Variants in NFIA observed in about 807,000 individuals in gnomAD.
NFIA encodes the protein nuclear factor I A.
In NFIA, 8 loss-of-function variants were observed where a neutral mutation model predicts 62.8. The ratio of observed to expected loss-of-function variants is 0.13; its 90% confidence interval spans 0.07 to 0.23. The LOEUF is 0.23. Among genes scored for constraint, NFIA ranks in the 10% least tolerant of loss-of-function variants. The pLI, the probability that NFIA is intolerant of heterozygous loss-of-function variation, is 1.00. For missense variants in NFIA, 410 were observed against 642.1 expected (o/e 0.64, Z 3.91); for synonymous variants, 235 against 238.1 (o/e 0.99, Z 0.12).
At chr1:61,217,448 A>C (rs1368313861) in intron 2 of NFIA, among the ~76,000 whole-genome samples, 1 of 152,174 alleles carries the variant, frequency 6.6e-6, no homozygotes, top group East Asian at 1.9e-4. Context: ...ACTATATGTC[A>C]TTATTAAATT....
rs372551052 is a variant in NFIA at position 61,300,099 on chromosome 1, A to G, written c.625+22514A>G. On this transcript the variant is annotated intron_variant, in intron 3 of 10. Coordinates refer to ENST00000403491, the MANE Select transcript of NFIA (RefSeq NM_001134673.4). ...TCAACTGAGGATGACATTAAAAAAA[A>G]TTTTTTTAACTTGTTTCAACAGTTG... Among the ~76,000 whole-genome samples the G allele has an allele frequency of 3.0e-4, 46 of 152,132 alleles. No homozygotes were observed. The East Asian group carries it at 7.3e-3, about 24-fold the overall frequency.
intron 2 of NFIA, among the ~76,000 whole-genome samples, chr1:61,274,948 G>A (rs750990874): frequency 3.9e-5 from 6 of 152,124 alleles, no homozygotes; most frequent in Non-Finnish European, 7.4e-5. Flanking sequence ...GAACGGCCGA[G>A]GGTAGAAAAT....
At chr1:61,102,926 G>T (rs1179180699) in intron 2 of NFIA, among the ~76,000 whole-genome samples, 1 of 152,078 alleles carries the variant, frequency 6.6e-6, no homozygotes, top group Non-Finnish European at 1.5e-5. Context: ...AGTCTGAGAG[G>T]GTGTTTCAAG....
intron 5 of NFIA, 68 bp downstream of exon 5, chr1:61,352,635 C>T (rs772665086): frequency 1.1e-5 from 13 of 1,228,988 alleles, no homozygotes; most frequent in Non-Finnish European, 1.6e-5. Context: ...TAACTCTGGG[C>T]CCACTATGGA....
rs79304561 is a variant in NFIA, at chr1:61,362,255, G to A, written c.946+2981G>A. ...GGGGTACAGTTAAATTGAGTAGGAG[G>A]CTTTTAGTAGTTCACATGTAAATTA... On this transcript the variant is annotated intron_variant, in intron 6 of 10. Coordinates refer to ENST00000403491, the MANE Select transcript of NFIA (RefSeq NM_001134673.4). Among the ~76,000 whole-genome samples the A allele has an allele frequency of 2.6e-3, 390 of 151,972 alleles. 3 individuals carry two copies. The highest frequency in any genetic ancestry group is 9.0e-3 in the African/African-American group (375 of 41,440).
intron 7 of NFIA, among the ~76,000 whole-genome samples, chr1:61,395,303 T>TTA (rs1218187075): frequency 9.2e-4 from 140 of 151,436 alleles, no homozygotes; most frequent in African/African-American, 3.2e-3. Flanking sequence ...TTTTTTTTTT[T>TTA]AATGCAGGAA....
At chr1:61,376,736 C>T (rs944706573) in intron 6 of NFIA, among the ~76,000 whole-genome samples, 1 of 151,892 alleles carries the variant, frequency 6.6e-6, no homozygotes, top group Admixed American at 6.6e-5. Context: ...TTATAGTATA[C>T]TAGGGAAACT....
intron 2 of NFIA, among the ~76,000 whole-genome samples, chr1:61,244,905 A>G (rs990529185): frequency 4.6e-5 from 7 of 152,230 alleles, no homozygotes; most frequent in African/African-American, 1.7e-4. Context: ...TCAACCATTA[A>G]GTAGACTGAG....
intron 3 of NFIA, among the ~76,000 whole-genome samples, chr1:61,316,037 G>A (rs1042677541): frequency 2.0e-4 from 31 of 152,088 alleles, no homozygotes; most frequent in Admixed American, 9.2e-4. Context: ...GTACTCTCTC[G>A]TCCACATACG....
intron 1 of NFIA, among the ~76,000 whole-genome samples, chr1:61,084,589 T>C (rs750877205): frequency 2.4e-4 from 36 of 152,192 alleles, no homozygotes; most frequent in East Asian, 3.9e-4. Context: ...GTGAAAATGC[T>C]GAGATTCGAA....
chr1:61,190,089 AG>A (rs1437817053), intron 2 of NFIA, among the ~76,000 whole-genome samples: 1 of 152,240 alleles, frequency 6.6e-6, no homozygotes, highest in African/African-American at 2.4e-5. Flanking sequence ...TGTGGCACAC[AG>A]GTAGCGTTGG....
intron 2 of NFIA, among the ~76,000 whole-genome samples, chr1:61,130,949 T>C (rs979000748): frequency 2.0e-5 from 3 of 152,188 alleles, no homozygotes; most frequent in Non-Finnish European, 4.4e-5. Context: ...GTTTCTTTTT[T>C]CCTCAAGGCA....
At chr1:61,340,118 G>C (rs1450400332) in intron 4 of NFIA, among the ~76,000 whole-genome samples, 2 of 152,272 alleles carry the variant, frequency 1.3e-5, no homozygotes, top group East Asian at 3.9e-4. Context: ...GGGCCGTTTT[G>C]ATCTCTGTTC....
At chr1:61,236,157 T>TAA (rs796914311) in intron 2 of NFIA, among the ~76,000 whole-genome samples, 2 of 138,316 alleles carry the variant, frequency 1.4e-5, no homozygotes, top group South Asian at 2.3e-4. Context: ...AAGTCCATCT[T>TAA]AAAAAAAAAA....
At chr1:61,409,966 A>G (rs761492254) in intron 9 of NFIA, among the ~76,000 whole-genome samples, 2 of 152,176 alleles carry the variant, frequency 1.3e-5, no homozygotes, top group Non-Finnish European at 2.9e-5. Flanking sequence ...CTCCCTTAAC[A>G]TTCATCTTTG....
chr1:61,152,997 G>A (rs1019788462), intron 2 of NFIA, among the ~76,000 whole-genome samples: 11 of 152,148 alleles, frequency 7.2e-5, no homozygotes, highest in African/African-American at 2.7e-4. Context: ...TGAGAGTCAG[G>A]AAATTTTCTT....
At chr1:61,191,910 C>A (rs1217818614) in intron 2 of NFIA, among the ~76,000 whole-genome samples, 1 of 152,106 alleles carries the variant, frequency 6.6e-6, no homozygotes, top group Non-Finnish European at 1.5e-5. Flanking sequence ...TTTTCAAACC[C>A]GTGACTTAAA....
chr1:61,290,564 T>C (rs1219876902), intron 3 of NFIA, among the ~76,000 whole-genome samples: 3 of 152,224 alleles, frequency 2.0e-5, no homozygotes, highest in Non-Finnish European at 2.9e-5. Context: ...CTACCCACAC[T>C]GAAAGCTTTT....
chr1:61,153,164 G>A lies in NFIA; in HGVS notation c.559+64484G>A, dbSNP rs148217818. 6.8e-3 allele frequency among the ~76,000 whole-genome samples: 1,042 copies of A among 152,296 alleles called. 11 individuals are homozygous for A. Among genetic ancestry groups the A allele is most frequent in the African/African-American group, 0.023 (975 of 41,558 alleles). ...TGTTTTTGGTGGGTTGAATACTGCC[G>A]GCACAGTGTTTTCAAACACTTGAAT... On this transcript the variant is annotated intron_variant, in intron 2 of 10. Coordinates refer to ENST00000403491, the MANE Select transcript of NFIA (RefSeq NM_001134673.4).
Sources: allele counts gnomAD v4.1 joint callset (sites outside exome capture counted in the v4.1 genomes callset), GRCh38; gene constraint gnomAD v4.1.1; transcripts MANE v1.5; gene names NCBI Gene and HGNC (gene_info 2026-07-23, HGNC 2026-07-21).